The following ARHGAP6 variants were observed in gnomAD, a reference collection of about 807,000 sequenced individuals.
ARHGAP6 encodes the protein Rho GTPase activating protein 6, also known as rho GTPase-activating protein 6.
A neutral mutation model predicts 55.7 loss-of-function variants in ARHGAP6; 16 were observed. The ratio of observed to expected loss-of-function variants is 0.29; its 90% CI spans 0.19 to 0.44. ARHGAP6 has a LOEUF of 0.44. ARHGAP6 is among the 20% of genes least tolerant of loss of function. The pLI is 1.00. For synonymous variants in ARHGAP6, 382 were observed against 360.9 expected (o/e 1.06, Z -0.66); for missense variants, 698 against 808.9 (o/e 0.86, Z 1.66).
intron 1 of ARHGAP6, among the ~76,000 whole-genome samples, chrX:11,611,276 A>G (rs772505627): frequency 1.5e-4 from 17 of 112,432 alleles, no homozygotes; most frequent in African/African-American, 4.8e-4. Context: ...GAAGGGAACA[A>G]TTACTAAGAA....
At chrX:11,213,368 C>T (rs1828441007) in intron 2 of ARHGAP6, among the ~76,000 whole-genome samples, 1 of 112,326 alleles carries the variant, frequency 8.9e-6, no homozygotes, top group Non-Finnish European at 1.9e-5. Flanking sequence ...CAGCATATGT[C>T]ACTCTATTCA....
Position 11,506,333 on chromosome X carries a change from C to T in ARHGAP6, c.588+157908G>A, listed in dbSNP as rs140673999. 7.2e-3 allele frequency among the ~76,000 whole-genome samples: 796 copies of T among 110,593 alleles called. 7 individuals carry two copies. The highest frequency in any genetic ancestry group is 0.024 in the African/African-American group (742 of 30,378). ...GTATACACGTACCATGGTGGTTTGCCGCACCCATCAACCTATCACCTACAT... is the reference window on the plus strand; with the variant it reads ...GTATACACGTACCATGGTGGTTTGCTGCACCCATCAACCTATCACCTACAT... On this transcript the variant is annotated intron_variant, in intron 1 of 12. Coordinates refer to ENST00000337414, the MANE Select transcript of ARHGAP6 (RefSeq NM_013427.3).
At chrX:11,317,884 G>A (rs2048378044) in intron 1 of ARHGAP6, among the ~76,000 whole-genome samples, 1 of 111,959 alleles carries the variant, frequency 8.9e-6, no homozygotes, top group Non-Finnish European at 1.9e-5. Flanking sequence ...TAAAACCAAT[G>A]TCTATGTTTA....
chrX:11,378,943 C>T (rs1200450672), intron 1 of ARHGAP6, among the ~76,000 whole-genome samples: 4 of 112,542 alleles, frequency 3.6e-5, no homozygotes, highest in African/African-American at 1.3e-4. Flanking sequence ...TTTATCAATA[C>T]TATTATCTTT....
At chrX:11,507,994 G>C (rs1256515242) in intron 1 of ARHGAP6, among the ~76,000 whole-genome samples, 1 of 111,674 alleles carries the variant, frequency 9.0e-6, no homozygotes, top group Non-Finnish European at 1.9e-5. Flanking sequence ...GTGGAACTTG[G>C]TTTCTCAAGA....
intron 1 of ARHGAP6, among the ~76,000 whole-genome samples, chrX:11,442,202 T>C (rs189078125): frequency 2.7e-4 from 30 of 110,420 alleles, no homozygotes; most frequent in African/African-American, 9.9e-4. Context: ...TTCTTTCCTT[T>C]ATAACTCCCC....
intron 1 of ARHGAP6, among the ~76,000 whole-genome samples, chrX:11,652,588 A>C (rs765729794): frequency 8.9e-6 from 1 of 112,522 alleles, no homozygotes; most frequent in African/African-American, 3.2e-5. Context: ...ATGCTCAGAA[A>C]GCAAGCTAGG....
At chrX:11,481,843 G>A (rs895427876) in intron 1 of ARHGAP6, among the ~76,000 whole-genome samples, 3 of 112,381 alleles carry the variant, frequency 2.7e-5, no homozygotes, top group Non-Finnish European at 5.6e-5. Flanking sequence ...AGAAGGGAGA[G>A]GAAATTCTGA....
intron 1 of ARHGAP6, among the ~76,000 whole-genome samples, chrX:11,567,060 C>G (rs2051450424): frequency 8.9e-6 from 1 of 111,984 alleles, no homozygotes; most frequent in Non-Finnish European, 1.9e-5. Flanking sequence ...GCAGTCTGGC[C>G]CACCCAGAAT....
chrX:11,659,262 T>A (rs2052670336), intron 1 of ARHGAP6, among the ~76,000 whole-genome samples: 1 of 111,717 alleles, frequency 9.0e-6, no homozygotes, highest in Non-Finnish European at 1.9e-5. Context: ...CCACTTGTTT[T>A]ATGCTTCTAA....
chrX:11,581,511 A>G (rs779647260), intron 1 of ARHGAP6, among the ~76,000 whole-genome samples: 43 of 112,010 alleles, frequency 3.8e-4, no homozygotes, highest in African/African-American at 1.3e-3. Flanking sequence ...GGTAGAAACA[A>G]CTCAAATGTC....
intron 1 of ARHGAP6, among the ~76,000 whole-genome samples, chrX:11,346,249 C>T (rs987856791): frequency 8.9e-6 from 1 of 112,054 alleles, no homozygotes; most frequent in Admixed American, 9.5e-5. Flanking sequence ...CTGTCTGTTT[C>T]TGTGAATACA....
chrX:11,336,186 C>T (rs937685308), intron 1 of ARHGAP6, among the ~76,000 whole-genome samples: 1 of 111,297 alleles, frequency 9.0e-6, no homozygotes, highest in Non-Finnish European at 1.9e-5. Context: ...ACAGAGAATG[C>T]CTCTGTGTGA....
intron 2 of ARHGAP6, among the ~76,000 whole-genome samples, chrX:11,226,068 T>C (rs2047043236): frequency 9.1e-6 from 1 of 109,887 alleles, no homozygotes; most frequent in Admixed American, 9.8e-5. Flanking sequence ...TGTTACATTG[T>C]ATACATGTGC....
At chrX:11,570,550 C>T (rs2051501572) in intron 1 of ARHGAP6, among the ~76,000 whole-genome samples, 1 of 110,154 alleles carries the variant, frequency 9.1e-6, no homozygotes, top group African/African-American at 3.3e-5. Context: ...TTCAATCTCT[C>T]AGCACAACCA....
intron 1 of ARHGAP6, among the ~76,000 whole-genome samples, chrX:11,502,894 TTTTTC>T (rs1213203995): frequency 9.0e-6 from 1 of 111,007 alleles, no homozygotes; most frequent in African/African-American, 3.3e-5. Context: ...GATTTTCTTT[TTTTTC>T]TTTTCTTTTC....
At chrX:11,351,057 C>T (rs1256759702) in intron 1 of ARHGAP6, among the ~76,000 whole-genome samples, 1 of 107,565 alleles carries the variant, frequency 9.3e-6, no homozygotes, top group African/African-American at 3.4e-5. Flanking sequence ...TACACACACA[C>T]ACACACACAC....
intron 1 of ARHGAP6, among the ~76,000 whole-genome samples, chrX:11,475,686 G>A (rs1381314502): frequency 1.9e-5 from 2 of 106,977 alleles, no homozygotes; most frequent in Non-Finnish European, 3.9e-5. Flanking sequence ...ATATCTTTTC[G>A]ACTTTGAGGT....
At chrX:11,447,727 A>C (rs1185567574) in intron 1 of ARHGAP6, among the ~76,000 whole-genome samples, 2 of 112,586 alleles carry the variant, frequency 1.8e-5, no homozygotes, top group African/African-American at 6.4e-5. Flanking sequence ...TGTTATCTAC[A>C]GACTTAGCAA....
Sources: gnomAD v4.1 joint callset for allele counts (sites outside exome capture counted in the v4.1 genomes callset) on GRCh38, gnomAD v4.1.1 for gene constraint, MANE v1.5 for transcripts, NCBI Gene and HGNC (gene_info 2026-07-23, HGNC 2026-07-21) for gene names.